Variants in TENM3 observed in about 807,000 individuals in gnomAD.
TENM3 encodes the protein teneurin transmembrane protein 3.
A neutral mutation model predicts 255.1 loss-of-function variants in TENM3; 63 were observed. The ratio of observed to expected loss-of-function variants is 0.25; its 90% CI spans 0.20 to 0.30. The LOEUF is 0.30. Among genes scored for constraint, TENM3 ranks in the 10% least tolerant of loss-of-function variants. The pLI, the probability that TENM3 is intolerant of heterozygous loss-of-function variation, is 1.00. For synonymous variants in TENM3, 1,306 were observed against 1,322.3 expected (o/e 0.99, Z 0.27); for missense variants, 2,929 against 3,461.1 (o/e 0.85, Z 3.86).
At chr4:181,670,902 A>C in the TENM3 span, among the ~76,000 whole-genome samples, 2 of 152,232 alleles carry the variant, frequency 1.3e-5, no homozygotes, top group African/African-American at 4.8e-5. Context: ...CCAGCATTGC[A>C]CAGGTTCGGC....
At chr4:182,612,940 C>G (rs552318095) in intron 4 of TENM3, among the ~76,000 whole-genome samples, 13 of 152,236 alleles carry the variant, frequency 8.5e-5, no homozygotes, top group Admixed American at 5.2e-4. Flanking sequence ...AGATTAGTGA[C>G]TTACTAGAAT....
chr4:182,402,356 C>T (rs548471400), intron 3 of TENM3, among the ~76,000 whole-genome samples: 1 of 152,270 alleles, frequency 6.6e-6, no homozygotes, highest in Non-Finnish European at 1.5e-5. Flanking sequence ...GACTTTTGTA[C>T]AGTCGCTCCA....
At chr4:182,680,422 C>T (rs560779377) in intron 9 of TENM3, 73 bp downstream of exon 9, 10 of 1,315,006 alleles carry the variant, frequency 7.6e-6, no homozygotes, top group African/African-American at 3.1e-5. Flanking sequence ...CAAAAACTAC[C>T]GAGACAGGAA....
chr4:182,771,283 G>A (rs1764184170), intron 22 of TENM3, among the ~76,000 whole-genome samples: 1 of 152,148 alleles, frequency 6.6e-6, no homozygotes, highest in Admixed American at 6.5e-5. Flanking sequence ...GTCAAAAAAG[G>A]GCAGAGGAGA....
At chr4:181,960,321 T>A in the TENM3 span, among the ~76,000 whole-genome samples, 3 of 152,086 alleles carry the variant, frequency 2.0e-5, no homozygotes, top group African/African-American at 4.8e-5. Flanking sequence ...ATAATAGGAC[T>A]TTTTTTTCTA....
At chr4:182,243,884 C>T (rs1757457310) in intron 1 of TENM3, among the ~76,000 whole-genome samples, 2 of 150,148 alleles carry the variant, frequency 1.3e-5, no homozygotes, top group South Asian at 4.2e-4. Flanking sequence ...GCACTCAGGG[C>T]TGACTGTCTT....
the TENM3 span, among the ~76,000 whole-genome samples, chr4:181,567,636 C>A: frequency 1.3e-5 from 2 of 152,118 alleles, no homozygotes; most frequent in Non-Finnish European, 2.9e-5. Flanking sequence ...AACTGTATCT[C>A]TTTATTTAAG....
chr4:182,167,111 A>C (rs574695581), intron 1 of TENM3, among the ~76,000 whole-genome samples: 1 of 152,254 alleles, frequency 6.6e-6, no homozygotes, highest in African/African-American at 2.4e-5. Context: ...TTTATGTAAA[A>C]CCACTAAGAT....
the TENM3 span, among the ~76,000 whole-genome samples, chr4:181,760,443 T>G: frequency 2.6e-5 from 4 of 152,164 alleles, no homozygotes; most frequent in South Asian, 4.1e-4. Flanking sequence ...TAAGTTGAAT[T>G]TAATAGACCA....
intron 13 of TENM3, among the ~76,000 whole-genome samples, chr4:182,724,297 T>C: frequency 6.6e-6 from 1 of 152,242 alleles, no homozygotes; most frequent in Non-Finnish European, 1.5e-5. Flanking sequence ...ACAATTTTAC[T>C]ACACTATACA....
At position 182,259,118 on chromosome 4, in the gene TENM3, A is replaced by C. The variant is rs112420685; in HGVS notation, c.-76+15642A>C. On this transcript the variant is annotated intron_variant, in intron 1 of 27. Transcript: ENST00000511685. ...TGGTGAAGGTGTATTTGAGAAGAATAAAGGTAGGTAACAGAGTGGAGAGCT... is the reference window on the plus strand; with the variant it reads ...TGGTGAAGGTGTATTTGAGAAGAATCAAGGTAGGTAACAGAGTGGAGAGCT... Among the ~76,000 whole-genome samples the C allele has an allele frequency of 8.9e-3, 1,360 of 152,290 alleles. 16 individuals carry two copies. Among genetic ancestry groups the C allele is most frequent in the African/African-American group, 0.03 (1,246 of 41,552 alleles).
At chr4:181,752,267 A>G in the TENM3 span, among the ~76,000 whole-genome samples, 1 of 152,158 alleles carries the variant, frequency 6.6e-6, no homozygotes, top group African/African-American at 2.4e-5. Context: ...TAGATTTTAA[A>G]ATGGAATGTA....
intron 3 of TENM3, among the ~76,000 whole-genome samples, chr4:182,552,984 C>T (rs557200712): frequency 7.2e-5 from 11 of 152,194 alleles, no homozygotes; most frequent in South Asian, 2.1e-4. Flanking sequence ...CACTTGGTTC[C>T]GGGACATGCA....
chr4:182,736,710 A>G, intron 16 of TENM3, 98 bp from the exon 17 acceptor site: 1 of 1,127,436 alleles, frequency 8.9e-7, no homozygotes, highest in Non-Finnish European at 1.2e-6. Flanking sequence ...ACAGAGAGTC[A>G]CTATTCACAA....
chr4:181,542,764 G>C, the TENM3 span, among the ~76,000 whole-genome samples: 3 of 152,168 alleles, frequency 2.0e-5, no homozygotes, highest in African/African-American at 7.2e-5. Context: ...TCCAGCCTTT[G>C]ATGTCCAACT....
At chr4:181,532,301 G>T in the TENM3 span, among the ~76,000 whole-genome samples, 1 of 152,256 alleles carries the variant, frequency 6.6e-6, no homozygotes, top group Admixed American at 6.5e-5. Flanking sequence ...GTTACAATGA[G>T]AATTTTTGCT....
intron 13 of TENM3, among the ~76,000 whole-genome samples, chr4:182,717,229 C>T (rs1338235954): frequency 1.3e-5 from 2 of 152,186 alleles, no homozygotes; most frequent in Non-Finnish European, 1.5e-5. Flanking sequence ...CTGAATCTCA[C>T]TAAATAGGTG....
chr4:182,243,946 C>CTTTTTT lies in TENM3; in HGVS notation c.-76+490_-76+495dup, dbSNP rs967487689. Among the ~76,000 whole-genome samples, 52 of 72,874 alleles carry CTTTTTT rather than the reference C, an allele frequency of 7.1e-4. 2 individuals are homozygous for CTTTTTT. Among genetic ancestry groups the CTTTTTT allele is most frequent in the East Asian group, 1.2e-3 (3 of 2,470 alleles). The allele number at this position is 72,874 out of a possible 152,430, so 47.8% of individuals were successfully genotyped here. ...CCAAGAATGGAATCATTTGTGTTTT[C>CTTTTTT]TTTTTTTTTTTTTTTTTTTTTTTTT... On this transcript the variant is annotated intron_variant, in intron 1 of 27. Transcript: ENST00000511685.
chr4:181,688,760 T>C, the TENM3 span, among the ~76,000 whole-genome samples: 1 of 152,200 alleles, frequency 6.6e-6, no homozygotes, highest in African/African-American at 2.4e-5. Context: ...CAGGAGAAAC[T>C]GCAACAGTCG....
Sources: allele counts gnomAD v4.1 joint callset (sites outside exome capture counted in the v4.1 genomes callset), GRCh38; gene constraint gnomAD v4.1.1; transcripts MANE v1.5; gene names NCBI Gene and HGNC (gene_info 2026-07-23, HGNC 2026-07-21).